Variants in USP22 observed in about 807,000 individuals in gnomAD.
USP22 encodes ubiquitin specific peptidase 22.
In USP22, 22 loss-of-function variants were observed where a neutral mutation model predicts 68.1. The ratio of observed to expected loss-of-function variants is 0.32; its 90% confidence interval spans 0.23 to 0.46. USP22 has a LOEUF of 0.46. Among genes scored for constraint, USP22 ranks in the 20% least tolerant of loss-of-function variants. USP22 has a pLI of 1.00. For synonymous variants in USP22, 279 were observed against 274.2 expected (o/e 1.02, Z -0.17); for missense variants, 433 against 695.8 (o/e 0.62, Z 4.25).
In USP22 at chr17:21,032,045, G is replaced by A. The variant is rs114726627; in HGVS notation, c.172-3371C>T. ...AATGACAGGCTGCATGTACAATGGC[G>A]GTCCCAGAAGATTATAGTATCATAT... On this transcript the variant is annotated intron_variant, in intron 1 of 12. Coordinates refer to ENST00000261497, the MANE Select transcript of USP22 (RefSeq NM_015276.2). 8.6e-3 allele frequency among the ~76,000 whole-genome samples: 1,314 copies of A among 152,296 alleles called. 25 individuals are homozygous for A. The highest frequency in any genetic ancestry group is 0.029 in the African/African-American group (1,214 of 41,558).
At chr17:21,034,799 C>A (rs538507404) in intron 1 of USP22, among the ~76,000 whole-genome samples, 1 of 152,182 alleles carries the variant, frequency 6.6e-6, no homozygotes, top group African/African-American at 2.4e-5. Flanking sequence ...CCATAAAGGG[C>A]TTCTTTTACG....
At chr17:21,023,706 C>T (rs1023984174) in intron 2 of USP22, among the ~76,000 whole-genome samples, 1 of 151,670 alleles carries the variant, frequency 6.6e-6, no homozygotes, top group African/African-American at 2.4e-5. Flanking sequence ...TGTCAGACAC[C>T]CGGGAGGCAG....
chr17:21,007,589 G>C (rs558380250), intron 9 of USP22, among the ~76,000 whole-genome samples: 1 of 152,174 alleles, frequency 6.6e-6, no homozygotes, highest in Admixed American at 6.5e-5. Context: ...GGGGTAGCTG[G>C]AGGAATGGTA....
At chr17:21,004,710 GGGGCT>G (rs2143509971) in intron 11 of USP22, among the ~76,000 whole-genome samples, 1 of 151,918 alleles carries the variant, frequency 6.6e-6, no homozygotes, top group East Asian at 1.9e-4. Flanking sequence ...GGCCAAGAGT[GGGGCT>G]GGGCTCCTCC....
chr17:21,021,008 C>G (rs1972150325), intron 3 of USP22, 105 bp downstream of exon 3: 2 of 872,288 alleles, frequency 2.3e-6, no homozygotes, highest in African/African-American at 3.3e-5. Context: ...TTCCCACCAG[C>G]CTGCCACTTC....
At position 21,015,875 on chromosome 17, in the gene USP22, G is replaced by A. The variant is rs908403104; in HGVS notation, c.715C>T (p.His239Tyr). 28 of 1,614,042 alleles carry A rather than the reference G, an allele frequency of 1.7e-5. No homozygotes were observed. Among genetic ancestry groups the A allele is most frequent in the Non-Finnish European group, 2.4e-5 (28 of 1,180,038 alleles). The change falls in exon 6 of 13, where the codon CAC (histidine) becomes TAC (tyrosine). Residue 239 changes from histidine (H) to tyrosine (Y), a missense_variant. His to Tyr is a moderately conservative substitution (Grantham distance 83). This residue lies in a region of USP22 where 144 missense variants were observed against 237.2 expected (regional missense o/e 0.61). Transcript: ENST00000261497. ...AGGTGCAGCAACTTATACGGGATGT[G>A]AGGGGACCGGTGTCCAGAGTAAAAC... Reference protein sequence around the residue: ...QEFYSGHRSPHIPYKLLHLVW... With the variant: ...QEFYSGHRSPYIPYKLLHLVW...
At chr17:21,017,608 C>T (rs2143568696) in intron 5 of USP22, among the ~76,000 whole-genome samples, 1 of 152,242 alleles carries the variant, frequency 6.6e-6, no homozygotes, top group Admixed American at 6.5e-5. Flanking sequence ...CACATGCGTG[C>T]CTTTCTGAGC....
intron 1 of USP22, among the ~76,000 whole-genome samples, chr17:21,036,671 T>C (rs1972362053): frequency 6.6e-6 from 1 of 152,024 alleles, no homozygotes; most frequent in Non-Finnish European, 1.5e-5. Context: ...ACAGATAAAC[T>C]GGAGGGGAAG....
intron 12 of USP22, 91 bp downstream of exon 12, chr17:21,004,111 T>G: frequency 6.5e-7 from 1 of 1,531,942 alleles, no homozygotes; most frequent in Non-Finnish European, 8.9e-7. Flanking sequence ...CTTCGAGTGG[T>G]TCTAGGCTCA....
At chr17:21,032,955 T>TAAAAAAAAA (rs1342209823) in intron 1 of USP22, among the ~76,000 whole-genome samples, 1 of 117,352 alleles carries the variant, frequency 8.5e-6, no homozygotes, top group African/African-American at 4.3e-5. Context: ...AAAAAAAAAG[T>TAAAAAAAAA]TGAAAATGCA....
chr17:21,041,029 C>G (rs1024028450), intron 1 of USP22, among the ~76,000 whole-genome samples: 1 of 151,892 alleles, frequency 6.6e-6, no homozygotes, highest in East Asian at 1.9e-4. Flanking sequence ...GGATTACAGG[C>G]GCCCGCCATC....
At position 21,000,297 on chromosome 17, in the gene USP22, CAAAGT is replaced by C. The variant is rs1838890239; in HGVS notation, c.*2729_*2733del. The C allele has an allele frequency of 6.6e-6, 1 of 152,160 alleles. No homozygotes were observed. The highest frequency in any genetic ancestry group is 1.5e-5 in the Non-Finnish European group (1 of 68,036). The allele number at this position is 152,160 out of a possible 1,614,324, so 9.4% of individuals were successfully genotyped here. ...CCAACGCGTAAATATTTTGTTCTGA[CAAAGT>C]AAATTCACAAGAACACATCAAACAC... On this transcript the variant is annotated 3_prime_UTR_variant, in exon 13 of 13. Coordinates refer to ENST00000261497, the MANE Select transcript of USP22 (RefSeq NM_015276.2).
chr17:21,034,264 A>T (rs929893952), intron 1 of USP22, among the ~76,000 whole-genome samples: 1 of 152,182 alleles, frequency 6.6e-6, no homozygotes, highest in Non-Finnish European at 1.5e-5. Flanking sequence ...CAGCAAAGGC[A>T]AGACCTCAGA....
At chr17:21,013,936 T>C (rs548642378) in intron 6 of USP22, among the ~76,000 whole-genome samples, 1 of 152,286 alleles carries the variant, frequency 6.6e-6, no homozygotes, top group Admixed American at 6.5e-5. Flanking sequence ...TAGCTGGGCA[T>C]GGTGGCGGGC....
At chr17:21,026,487 C>A (rs970768335) in intron 2 of USP22, among the ~76,000 whole-genome samples, 1 of 151,960 alleles carries the variant, frequency 6.6e-6, no homozygotes, top group East Asian at 1.9e-4. Context: ...CCACGCCCTG[C>A]TAATTTTTAA....
Position 21,036,522 on chromosome 17 carries a change from G to C in USP22, c.171+6143C>G, listed in dbSNP as rs556264475. Among the ~76,000 whole-genome samples, 324 of 134,402 alleles carry C rather than the reference G, an allele frequency of 2.4e-3. 5 individuals carry two copies. The highest frequency in any genetic ancestry group is 9.0e-3 in the African/African-American group (305 of 33,776). 88.2% of individuals were successfully genotyped at this position (134,402 alleles called of 152,430 possible). A position where few individuals can be genotyped will look rare whatever the true frequency, so the allele number is the denominator to read the frequency against. On this transcript the variant is annotated intron_variant, in intron 1 of 12. Coordinates refer to ENST00000261497, the MANE Select transcript of USP22 (RefSeq NM_015276.2). Reference sequence around the variant, plus strand: ...CTGTAACTGAGCACTGTACTGTAAGGGGGGGGGGGGTCAAGTCATTTCCCA... The same window carrying C: ...CTGTAACTGAGCACTGTACTGTAAGCGGGGGGGGGGTCAAGTCATTTCCCA...
intron 1 of USP22, among the ~76,000 whole-genome samples, chr17:21,041,825 G>A (rs1448055789): frequency 6.6e-6 from 1 of 152,204 alleles, no homozygotes; most frequent in African/African-American, 2.4e-5. Flanking sequence ...AAGCCTAACT[G>A]CGGGACGCAA....
chr17:21,042,565 CGG>C, intron 1 of USP22, 98 bp downstream of exon 1: 1 of 1,172,168 alleles, frequency 8.5e-7, no homozygotes, highest in South Asian at 3.1e-5. Flanking sequence ...GGAAAGGCAA[CGG>C]GGGAAGGGAA....
intron 1 of USP22, among the ~76,000 whole-genome samples, chr17:21,040,806 G>C (rs1023892776): frequency 6.6e-6 from 1 of 151,904 alleles, no homozygotes; most frequent in Non-Finnish European, 1.5e-5. Context: ...TCTTGGGCGC[G>C]TCACGTCCCA....
Sources: allele counts gnomAD v4.1 joint callset (sites outside exome capture counted in the v4.1 genomes callset), GRCh38; gene constraint gnomAD v4.1.1; regional missense constraint gnomAD v4.1.1; transcripts MANE v1.5; gene names NCBI Gene and HGNC (gene_info 2026-07-23, HGNC 2026-07-21).